Variants in C5orf15 observed in about 807,000 individuals in gnomAD.
C5orf15 encodes the protein chromosome 5 open reading frame 15, also known as keratinocyte-associated transmembrane protein 2.
C5orf15 carries 10 observed loss-of-function variants against 17.8 expected under a neutral mutation model. That is an observed-to-expected ratio of 0.56 (90% CI 0.35 to 0.95). The LOEUF is 0.95. Ranked by LOEUF, C5orf15 falls within the 40% of genes least tolerant of loss-of-function variation. The pLI, the probability that C5orf15 is intolerant of heterozygous loss-of-function variation, is 0.02. For synonymous variants in C5orf15, 124 were observed against 131.0 expected, an observed-to-expected ratio of 0.95 and a Z score of 0.36; for missense variants, 319 against 331.7, an observed-to-expected ratio of 0.96 and a Z score of 0.30.
chr5:133,965,029 T>C (rs530783200), intron 1 of C5orf15, among the ~76,000 whole-genome samples: 1 of 152,352 alleles, frequency 6.6e-6, no homozygotes, highest in Non-Finnish European at 1.5e-5. Context: ...GTGAAAATTT[T>C]TATAATAGCC....
chr5:133,966,216 A>C (rs150226229), intron 1 of C5orf15, among the ~76,000 whole-genome samples: 117 of 152,244 alleles, frequency 7.7e-4, no homozygotes, highest in African/African-American at 2.7e-3. Context: ...TCAAAAAAAA[A>C]ACAAAAAACA....
At chr5:133,965,557 A>G (rs1191095798) in intron 1 of C5orf15, among the ~76,000 whole-genome samples, 2 of 152,230 alleles carry the variant, frequency 1.3e-5, no homozygotes, top group Non-Finnish European at 2.9e-5. Flanking sequence ...ACCTTCTATG[A>G]GCATATAAAT....
intron 1 of C5orf15, 32 bp downstream of exon 1, chr5:133,968,414 C>T (rs2126879813): frequency 1.3e-6 from 2 of 1,596,126 alleles, no homozygotes; most frequent in Non-Finnish European, 8.5e-7. Flanking sequence ...CCCTCCTAGC[C>T]TTCCTAAGCC....
At chr5:133,967,716 C>T (rs781623578) in intron 1 of C5orf15, among the ~76,000 whole-genome samples, 1 of 152,180 alleles carries the variant, frequency 6.6e-6, no homozygotes, top group Non-Finnish European at 1.5e-5. Context: ...ATCATGATCT[C>T]CCTTGTCTCC....
intron 2 of C5orf15, among the ~76,000 whole-genome samples, 193 bp from the exon 3 acceptor site, chr5:133,957,183 G>A (rs1207128089): frequency 1.3e-5 from 2 of 151,934 alleles, no homozygotes; most frequent in Non-Finnish European, 2.9e-5. Flanking sequence ...TAAGCAACAT[G>A]GTGAAACACC....
At chr5:133,958,305 A>C (rs921751569) in intron 2 of C5orf15, among the ~76,000 whole-genome samples, 1 of 152,138 alleles carries the variant, frequency 6.6e-6, no homozygotes, top group Admixed American at 6.5e-5. Context: ...AGCTGGGTGC[A>C]GTGGCTCATG....
intron 2 of C5orf15, among the ~76,000 whole-genome samples, chr5:133,959,131 C>T (rs1172161728): frequency 1.3e-5 from 2 of 151,936 alleles, no homozygotes; most frequent in African/African-American, 2.4e-5. Context: ...TTTGGGAGGC[C>T]GAGGCGGGAG....
Position 133,957,905 on chromosome 5 carries a change from G to A in C5orf15, c.667-915C>T, listed in dbSNP as rs1247722409. Among the ~76,000 whole-genome samples, 8 of 152,320 alleles carry A rather than the reference G, an allele frequency of 5.3e-5. 1 individual carries two copies. In the South Asian group the frequency reaches 1.2e-3, roughly 24 times the overall value. On this transcript the variant is annotated intron_variant, in intron 2 of 2. Transcript: ENST00000231512. Reference sequence around the variant, plus strand: ...ACTGTGTGTTTGATCTCCCTTTAAGGATTTTAAAAGGCTTAACTATTCAGC... The same window carrying A: ...ACTGTGTGTTTGATCTCCCTTTAAGAATTTTAAAAGGCTTAACTATTCAGC...
chr5:133,964,002 AG>A (rs758304749), intron 1 of C5orf15, among the ~76,000 whole-genome samples: 4 of 152,182 alleles, frequency 2.6e-5, no homozygotes, highest in Non-Finnish European at 5.9e-5. Context: ...GTGGATCACA[AG>A]GTCAGGAGTT....
intron 2 of C5orf15, among the ~76,000 whole-genome samples, chr5:133,958,878 T>C (rs1752076778): frequency 6.6e-6 from 1 of 152,076 alleles, no homozygotes; most frequent in African/African-American, 2.4e-5. Context: ...GAAGTAATGA[T>C]GCCAAATTAA....
intron 1 of C5orf15, among the ~76,000 whole-genome samples, chr5:133,965,400 A>G (rs1213072785): frequency 6.6e-6 from 1 of 152,228 alleles, no homozygotes; most frequent in Non-Finnish European, 1.5e-5. Context: ...AATACAGCAC[A>G]AGAAAAAACA....
At position 133,959,594 on chromosome 5, in the gene C5orf15, G is replaced by A. The variant is rs1406865831; in HGVS notation, c.566C>T (p.Ser189Phe). The A allele has an allele frequency of 6.2e-7, 1 of 1,611,644 alleles. No homozygotes were observed. The highest frequency in any genetic ancestry group is 1.1e-5 in the South Asian group (1 of 90,362). ...EQSVKSFKMP[S>F]SNIEEEDSHF... ...GCTGTCTTCCTCTTCTATATTTGAG[G>A]ATGGCATCTTAAAAGATTTCACTGA... Residue 189 changes from serine to phenylalanine, a missense_variant, in exon 2 of 3, where the codon TCC becomes TTC. Physicochemically the swap from Ser to Phe is radical, Grantham distance 155 (BLOSUM62 -2). Coordinates refer to ENST00000231512, the MANE Select transcript of C5orf15 (RefSeq NM_020199.3).
At chr5:133,960,139 C>T in intron 1 of C5orf15, 119 bp from the exon 2 acceptor site, 11 of 783,268 alleles carry the variant, frequency 1.4e-5, no homozygotes, top group East Asian at 2.8e-5. Context: ...ATAACTTTCT[C>T]GAAAACTAGT....
chr5:133,968,580 G>A lies in C5orf15; in HGVS notation c.5C>T (p.Ala2Val). 6.2e-7 allele frequency: 1 copy of A among 1,609,064 alleles called. No individual in the cohort carries two copies. The change falls in exon 1 of 3, where the codon GCC becomes GTC. Residue 2 changes from alanine (A) to valine (V), a missense_variant. Coordinates refer to ENST00000231512, the MANE Select transcript of C5orf15 (RefSeq NM_020199.3). ...CCTCATCCTCTTCGGGACGGCAGCG[G>A]CCATAACGGACTCGGCTGGGAGCCT... M[A>V]AAVPKRMRGP... is the part of the protein sequence containing the mutation.
chr5:133,968,337 C>A (rs1752226038), intron 1 of C5orf15, 109 bp downstream of exon 1: 1 of 1,434,064 alleles, frequency 7.0e-7, no homozygotes, highest in Non-Finnish European at 9.4e-7. Flanking sequence ...CCAGACACCG[C>A]CGTCTGCTCC....
intron 1 of C5orf15, among the ~76,000 whole-genome samples, chr5:133,963,908 A>C (rs1423632156): frequency 1.3e-5 from 2 of 152,216 alleles, no homozygotes; most frequent in East Asian, 1.9e-4. Context: ...ATACCATAGA[A>C]TATTACTCAG....
chr5:133,968,323 C>G (rs1752225794), intron 1 of C5orf15, 123 bp downstream of exon 1: 6 of 1,359,106 alleles, frequency 4.4e-6, no homozygotes, highest in Non-Finnish European at 5.0e-6. Context: ...AGACCCTGAC[C>G]CAACCAGACA....
chr5:133,966,032 G>C (rs1312891743), intron 1 of C5orf15, among the ~76,000 whole-genome samples: 1 of 152,142 alleles, frequency 6.6e-6, no homozygotes, highest in Non-Finnish European at 1.5e-5. Context: ...AGACCATCCT[G>C]GATAACACGG....
Position 133,962,463 on chromosome 5 carries a change from C to T in C5orf15, c.140-2443G>A, listed in dbSNP as rs1325418905. On this transcript the variant is annotated intron_variant, in intron 1 of 2. Coordinates refer to ENST00000231512, the MANE Select transcript of C5orf15 (RefSeq NM_020199.3). ...TTTCAGACCATTCTCCCGTTCTTCT[C>T]CCTAAATGCCTCTAGCTTTGATTCT... Among the ~76,000 whole-genome samples the T allele has an allele frequency of 2.0e-5, 3 of 152,204 alleles. No homozygotes were observed. In the South Asian group the frequency reaches 6.2e-4, roughly 31 times the overall value.
Sources: allele counts gnomAD v4.1 joint callset (sites outside exome capture counted in the v4.1 genomes callset), GRCh38; gene constraint gnomAD v4.1.1; transcripts MANE v1.5; gene names NCBI Gene and HGNC (gene_info 2026-07-23, HGNC 2026-07-21).